Variants in PCLO observed in about 807,000 individuals in gnomAD.
PCLO encodes protein piccolo.
Under a neutral mutation model 427.5 loss-of-function variants are expected in PCLO, and 82 were observed. That is an observed-to-expected ratio of 0.19 (90% CI 0.16 to 0.23). PCLO has a LOEUF of 0.23. Among genes scored for constraint, PCLO ranks in the 10% least tolerant of loss-of-function variants. PCLO has a pLI of 1.00. For missense variants in PCLO, 6,239 were observed against 6,115.9 expected, an observed-to-expected ratio of 1.02 and a Z score of -0.67; for synonymous variants, 2,357 against 2,155.4, an observed-to-expected ratio of 1.09 and a Z score of -2.59.
intron 22 of PCLO, among the ~76,000 whole-genome samples, chr7:82,782,033 T>C (rs1436735749): frequency 2.0e-5 from 3 of 152,204 alleles, no homozygotes; most frequent in Admixed American, 6.5e-5. Context: ...AAATTAATCA[T>C]ACCCACAGAG....
intron 3 of PCLO, among the ~76,000 whole-genome samples, chr7:83,031,757 T>TCA (rs1271472640): frequency 2.8e-5 from 4 of 142,404 alleles, no homozygotes; most frequent in African/African-American, 5.0e-5. Flanking sequence ...TCTCTCTCTC[T>TCA]CACACACACA....
intron 3 of PCLO, among the ~76,000 whole-genome samples, chr7:83,075,136 G>C (rs9642154): frequency 0.24 from 35,760 of 151,954 alleles, 4,786 homozygotes; most frequent in East Asian, 0.56. Flanking sequence ...GTACCGGTTT[G>C]AAAAAGAGGT....
chr7:82,945,219 G>C (rs1277746447), intron 6 of PCLO, among the ~76,000 whole-genome samples: 1 of 152,082 alleles, frequency 6.6e-6, no homozygotes, highest in Non-Finnish European at 1.5e-5. Flanking sequence ...GTAAGAGTAA[G>C]TAGGCTGCAA....
intron 9 of PCLO, 71 bp downstream of exon 9, chr7:82,902,580 A>T (rs1439644553): frequency 1.2e-6 from 1 of 844,342 alleles, no homozygotes; most frequent in Non-Finnish European, 1.9e-6. Context: ...GTATAATAAT[A>T]AAAAAATGCA....
At chr7:82,800,016 C>T (rs562647983) in intron 22 of PCLO, among the ~76,000 whole-genome samples, 16 of 152,098 alleles carry the variant, frequency 1.1e-4, no homozygotes, top group Admixed American at 5.2e-4. Flanking sequence ...GTTTGGGCAG[C>T]AGGTTTGGGA....
intron 3 of PCLO, among the ~76,000 whole-genome samples, chr7:83,034,207 T>TTTTTG (rs377173102): frequency 6.6e-5 from 10 of 152,150 alleles, no homozygotes; most frequent in Admixed American, 5.2e-4. Flanking sequence ...TTTTATTCCT[T>TTTTTG]TTTTGTTTTG....
chr7:82,977,163 C>T lies in PCLO; in HGVS notation c.3301-10676G>A, dbSNP rs145388636. Among the ~76,000 whole-genome samples, 451 of 152,152 alleles carry T rather than the reference C, an allele frequency of 3.0e-3. 2 individuals carry two copies. The highest frequency in any genetic ancestry group is 0.01 in the African/African-American group (434 of 41,546). On this transcript the variant is annotated intron_variant, in intron 3 of 24. Coordinates refer to ENST00000333891, the MANE Select transcript of PCLO (RefSeq NM_033026.6). Reference sequence around the variant, plus strand: ...ATACATTGGTTTGACACACCCAGGTCCTGTTTTCAATAACATCCTATTATA... The same window carrying T: ...ATACATTGGTTTGACACACCCAGGTTCTGTTTTCAATAACATCCTATTATA...
At chr7:83,080,935 A>T (rs1790083280) in intron 3 of PCLO, among the ~76,000 whole-genome samples, 2 of 151,718 alleles carry the variant, frequency 1.3e-5, no homozygotes, top group Admixed American at 6.6e-5. Flanking sequence ...ATAATAAAAT[A>T]AAAATAATTA....
rs753391250 is a variant in PCLO, at chr7:83,050,012, C to T, written c.3301-83525G>A. On this transcript the variant is annotated intron_variant, in intron 3 of 24. Transcript: ENST00000333891. ...CTTCATATGATCTTCCGCTTCCTGA[C>T]CCATATACAGTCTTCTTTCCCTAAG... is the stretch of plus-strand genomic sequence containing the variant. Among the ~76,000 whole-genome samples, 6 of 150,540 alleles carry T rather than the reference C, an allele frequency of 4.0e-5. 1 individual carries two copies. Among genetic ancestry groups the T allele is most frequent in the Non-Finnish European group, 8.9e-5 (6 of 67,686 alleles).
intron 2 of PCLO, among the ~76,000 whole-genome samples, chr7:83,153,090 T>C (rs1474859123): frequency 2.0e-5 from 3 of 151,856 alleles, no homozygotes; most frequent in Non-Finnish European, 4.4e-5. Flanking sequence ...GAAGTCATTA[T>C]TACTTCACAT....
intron 3 of PCLO, among the ~76,000 whole-genome samples, chr7:83,105,385 A>C (rs1298939179): frequency 1.3e-5 from 2 of 152,222 alleles, no homozygotes; most frequent in African/African-American, 2.4e-5. Flanking sequence ...ATTTGGGATC[A>C]TATCCCTGCG....
At chr7:82,797,548 A>G (rs569932830) in intron 22 of PCLO, among the ~76,000 whole-genome samples, 3 of 152,162 alleles carry the variant, frequency 2.0e-5, no homozygotes, top group Non-Finnish European at 4.4e-5. Flanking sequence ...TATTTTATCA[A>G]TCCTGAATAA....
intron 22 of PCLO, among the ~76,000 whole-genome samples, chr7:82,798,792 AAAC>A (rs1791281582): frequency 6.6e-6 from 1 of 152,200 alleles, no homozygotes; most frequent in African/African-American, 2.4e-5. Flanking sequence ...ACTCAGTGAA[AAAC>A]AACTTGTCCA....
intron 3 of PCLO, among the ~76,000 whole-genome samples, chr7:83,111,824 T>C (rs1165771937): frequency 6.6e-6 from 1 of 152,228 alleles, no homozygotes; most frequent in Non-Finnish European, 1.5e-5. Flanking sequence ...AAAATTTACT[T>C]TGTAACTTAA....
chr7:83,024,256 C>A (rs189238214), intron 3 of PCLO, among the ~76,000 whole-genome samples: 367 of 152,226 alleles, frequency 2.4e-3, no homozygotes, highest in Non-Finnish European at 4.3e-3. Context: ...GCGCACCATG[C>A]GCGAGCCGAA....
chr7:82,812,811 CT>C (rs1000543528), intron 20 of PCLO, among the ~76,000 whole-genome samples: 58 of 151,326 alleles, frequency 3.8e-4, no homozygotes, highest in Admixed American at 7.3e-4. Flanking sequence ...TTCAATCTTC[CT>C]TTTATTCTCT....
intron 3 of PCLO, among the ~76,000 whole-genome samples, chr7:82,971,884 C>G (rs1239769423): frequency 6.6e-6 from 1 of 151,094 alleles, no homozygotes; most frequent in Non-Finnish European, 1.5e-5. Flanking sequence ...AGACTGCTTC[C>G]ATTTTTTTTC....
At chr7:83,069,970 T>C (rs1408886185) in intron 3 of PCLO, among the ~76,000 whole-genome samples, 8 of 152,126 alleles carry the variant, frequency 5.3e-5, no homozygotes, top group Non-Finnish European at 1.5e-5. Flanking sequence ...TGAAGCTTGA[T>C]TGCCTTCTTG....
chr7:82,978,618 T>TA (rs1796076310), intron 3 of PCLO, among the ~76,000 whole-genome samples: 1 of 151,394 alleles, frequency 6.6e-6, no homozygotes, highest in Non-Finnish European at 1.5e-5. Context: ...ATTATATGCA[T>TA]GAATATACAA....
Sources: allele counts gnomAD v4.1 joint callset (sites outside exome capture counted in the v4.1 genomes callset), GRCh38; gene constraint gnomAD v4.1.1; transcripts MANE v1.5; gene names NCBI Gene and HGNC (gene_info 2026-07-23, HGNC 2026-07-21).